Variants in HDAC4 observed in about 807,000 individuals in gnomAD.
The protein encoded by HDAC4 is histone deacetylase 4.
A neutral mutation model predicts 135.1 loss-of-function variants in HDAC4; 16 were observed. The ratio of observed to expected loss-of-function variants is 0.12; its 90% CI spans 0.08 to 0.18. HDAC4 has a LOEUF of 0.18. Ranked by LOEUF, HDAC4 falls within the 10% of genes least tolerant of loss-of-function variation. The pLI is 1.00. For missense variants in HDAC4, 1,143 were observed against 1,511.8 expected (o/e 0.76, Z 4.05); for synonymous variants, 685 against 653.4 (o/e 1.05, Z -0.74).
intron 1 of HDAC4, among the ~76,000 whole-genome samples, chr2:239,368,599 G>A (rs1042439574): frequency 2.6e-5 from 4 of 152,144 alleles, no homozygotes; most frequent in African/African-American, 9.7e-5. Flanking sequence ...TCCGTCCTGA[G>A]GAGAGGGGCA....
intron 25 of HDAC4, among the ~76,000 whole-genome samples, chr2:239,053,888 C>T (rs563367495): frequency 1.7e-4 from 26 of 152,238 alleles, no homozygotes; most frequent in African/African-American, 4.8e-4. Flanking sequence ...TGGCTTTCCA[C>T]GCTCACGGGC....
chr2:239,291,401 C>T (rs1030967176), intron 2 of HDAC4, among the ~76,000 whole-genome samples: 10 of 152,206 alleles, frequency 6.6e-5, no homozygotes, highest in African/African-American at 2.4e-4. Flanking sequence ...AGCCTGATCG[C>T]CCTCAAAGAG....
In HDAC4 at chr2:239,313,725, G is replaced by A. The variant is rs1018953958; in HGVS notation, c.22+38953C>T. On this transcript the variant is annotated intron_variant, in intron 2 of 26. Coordinates refer to ENST00000543185, the MANE Select transcript of HDAC4 (RefSeq NM_001378414.1). The surrounding 1 kb of genome is among the most constrained non-coding windows in gnomAD (Gnocchi z 5.1). ...AAGGAAGATTCAGAAAAGCCTTCAC[G>A]CCTGGCAATATGGCACACGCACTTT... Among the ~76,000 whole-genome samples the A allele has an allele frequency of 3.3e-5, 5 of 152,190 alleles. No individual in the cohort carries two copies. Among genetic ancestry groups the A allele is most frequent in the Admixed American group, 6.5e-5 (1 of 15,274 alleles).
At chr2:239,383,960 A>G (rs1303583930) in intron 1 of HDAC4, among the ~76,000 whole-genome samples, 2 of 152,344 alleles carry the variant, frequency 1.3e-5, no homozygotes, top group Middle Eastern at 3.4e-3. Context: ...AAGAGCTGCC[A>G]TCGCTGGCAC....
rs141152057 is a variant in HDAC4 at position 239,352,840 on chromosome 2, C to T, written c.-141G>A. On this transcript the variant is annotated 5_prime_UTR_variant, in exon 2 of 27. Coordinates refer to ENST00000543185, the MANE Select transcript of HDAC4 (RefSeq NM_001378414.1). This position sits in a 1 kb window ranked among gnomAD's most constrained non-coding sequence, Gnocchi z 4.4. ...GGCTGGGTCACAGACGTTCAAGCGC[C>T]GAGCCTCGCCGGCAAGGTCTCATGA... The T allele has an allele frequency of 1.3e-3, 1,137 of 849,988 alleles. 15 individuals carry two copies. In the East Asian group the frequency reaches 0.026, roughly 19 times the overall value. 52.7% of individuals were successfully genotyped at this position (849,988 alleles called of 1,614,324 possible). A position where few individuals can be genotyped will look rare whatever the true frequency, so the allele number is the denominator to read the frequency against.
At chr2:239,334,363 T>C (rs1246750585) in intron 2 of HDAC4, among the ~76,000 whole-genome samples, 1 of 151,474 alleles carries the variant, frequency 6.6e-6, no homozygotes, top group Non-Finnish European at 1.5e-5. Context: ...CTACAAAAAA[T>C]AGAAAAAATT....
rs2030436181 is a variant in HDAC4 at position 239,049,141 on chromosome 2, C to T, written c.*3956G>A. On this transcript the variant is annotated 3_prime_UTR_variant, in exon 27 of 27. Transcript: ENST00000543185. ...AATAAACTCTATTATTGGTATGTCA[C>T]AAGTGCTAGATAAACTTTTTTTCTT... is the stretch of plus-strand genomic sequence containing the variant. The T allele has an allele frequency of 6.6e-6, 1 of 152,360 alleles. No homozygotes were observed. The highest frequency in any genetic ancestry group is 2.1e-4 in the South Asian group (1 of 4,838). 9.4% of individuals were successfully genotyped at this position (152,360 alleles called of 1,614,324 possible). A position where few individuals can be genotyped will look rare whatever the true frequency, so the allele number is the denominator to read the frequency against.
intron 1 of HDAC4, among the ~76,000 whole-genome samples, chr2:239,396,161 G>A (rs1416425224): frequency 6.8e-6 from 1 of 148,042 alleles, no homozygotes; most frequent in African/African-American, 2.5e-5. Flanking sequence ...TTTTTGTAGA[G>A]ATGAGGGTCT....
At chr2:239,254,915 A>T (rs1244050132) in intron 2 of HDAC4, among the ~76,000 whole-genome samples, 1 of 152,258 alleles carries the variant, frequency 6.6e-6, no homozygotes, top group East Asian at 1.9e-4. Flanking sequence ...AGATGATCTA[A>T]GAACATTGAA....
chr2:239,173,406 T>C (rs1338937063), intron 5 of HDAC4, among the ~76,000 whole-genome samples: 1 of 152,132 alleles, frequency 6.6e-6, no homozygotes, highest in African/African-American at 2.4e-5. Context: ...CAAAAAATCA[T>C]ACAATCATCT....
At chr2:239,197,027 C>T (rs1001452365) in intron 3 of HDAC4, among the ~76,000 whole-genome samples, 1 of 152,194 alleles carries the variant, frequency 6.6e-6, no homozygotes, top group Non-Finnish European at 1.5e-5. Context: ...CAGGGGATTC[C>T]CTCTGTCTCT....
At chr2:239,178,249 G>A (rs60338962) in intron 4 of HDAC4, among the ~76,000 whole-genome samples, 4,646 of 152,238 alleles carry the variant, frequency 0.031, 231 homozygotes, top group African/African-American at 0.1. Context: ...TGATTGTTCC[G>A]TTACCAGTTG....
intron 1 of HDAC4, among the ~76,000 whole-genome samples, chr2:239,367,596 T>C (rs780609763): frequency 6.6e-6 from 1 of 152,222 alleles, no homozygotes; most frequent in East Asian, 1.9e-4. Context: ...CCTGACCTCA[T>C]GTGATGGGTC....
chr2:239,123,376 G>A (rs1237547453), intron 12 of HDAC4, among the ~76,000 whole-genome samples: 2 of 152,178 alleles, frequency 1.3e-5, no homozygotes, highest in Non-Finnish European at 2.9e-5. Flanking sequence ...GCTGATGAGG[G>A]CTTGGGGGTG....
intron 24 of HDAC4, among the ~76,000 whole-genome samples, chr2:239,062,820 T>C (rs1411301627): frequency 6.6e-6 from 1 of 152,206 alleles, no homozygotes; most frequent in Non-Finnish European, 1.5e-5. Flanking sequence ...CTACTTGTGA[T>C]TTATGTTAAC....
At chr2:239,119,487 C>CGG (rs2039437162) in intron 12 of HDAC4, among the ~76,000 whole-genome samples, 1 of 151,362 alleles carries the variant, frequency 6.6e-6, no homozygotes, top group Non-Finnish European at 1.5e-5. Context: ...GTGCGGGGAC[C>CGG]AGAGCTCAGG....
chr2:239,259,167 G>A (rs533066465), intron 2 of HDAC4, among the ~76,000 whole-genome samples: 2 of 152,308 alleles, frequency 1.3e-5, no homozygotes, highest in East Asian at 3.9e-4. Flanking sequence ...AATACACTTG[G>A]CCAGATGCAG....
chr2:239,372,216 G>A (rs779085855), intron 1 of HDAC4, among the ~76,000 whole-genome samples: 5 of 152,168 alleles, frequency 3.3e-5, no homozygotes, highest in Admixed American at 6.5e-5. Context: ...CCCACTGCCC[G>A]AGGCAGCAGG....
chr2:239,196,357 C>T (rs568189246), intron 3 of HDAC4, among the ~76,000 whole-genome samples: 77 of 152,258 alleles, frequency 5.1e-4, no homozygotes, highest in Non-Finnish European at 1.0e-3. Flanking sequence ...TCACCCTCTG[C>T]GTCCCTTCAA....
Sources: gnomAD v4.1 joint callset for allele counts (sites outside exome capture counted in the v4.1 genomes callset) on GRCh38, gnomAD v4.1.1 for gene constraint, Gnocchi (gnomAD v3.1) non-coding constraint, MANE v1.5 for transcripts, NCBI Gene and HGNC (gene_info 2026-07-23, HGNC 2026-07-21) for gene names.